ANKRD36: variants seen among roughly 807,000 people sequenced by gnomAD.
The protein encoded by ANKRD36 is ankyrin repeat domain-containing protein 36A.
In ANKRD36, 179 loss-of-function variants were observed where a neutral mutation model predicts 278.1. The observed-to-expected ratio is 0.64, with a 90% CI of 0.57 to 0.73. ANKRD36 has a LOEUF of 0.73. Among genes scored for constraint, ANKRD36 ranks in the 30% least tolerant of loss-of-function variants. The probability of loss-of-function intolerance (pLI) is 0.00; values close to 1 mark genes in which losing one functional copy is unlikely to be tolerated. For synonymous variants in ANKRD36, 320 were observed against 641.1 expected (o/e 0.50, Z 7.57); for missense variants, 1,159 against 1,956.7 (o/e 0.59, Z 7.69).
chr2:97,147,941 TTTTG>T (rs1172020421), intron 11 of ANKRD36, among the ~76,000 whole-genome samples: 1 of 151,956 alleles, frequency 6.6e-6, no homozygotes, highest in Non-Finnish European at 1.5e-5. Context: ...TTTGCTGCCT[TTTTG>T]TTTGTTTAAC....
chr2:97,229,233 G>C (rs1179216485), intron 67 of ANKRD36, among the ~76,000 whole-genome samples: 1 of 151,642 alleles, frequency 6.6e-6, no homozygotes, highest in Non-Finnish European at 1.5e-5. Flanking sequence ...TGTTGACAGT[G>C]GGATGTTAAA....
At chr2:97,227,658 C>G (rs1259413417) in intron 67 of ANKRD36, among the ~76,000 whole-genome samples, 1 of 152,114 alleles carries the variant, frequency 6.6e-6, no homozygotes, top group Non-Finnish European at 1.5e-5. Flanking sequence ...ACTTCCAACA[C>G]TATGTTGAAT....
chr2:97,183,111 C>T (rs534054850), intron 26 of ANKRD36, among the ~76,000 whole-genome samples: 1 of 151,914 alleles, frequency 6.6e-6, no homozygotes, highest in South Asian at 2.1e-4. Flanking sequence ...TTAGTACCTT[C>T]TTTGACATTG....
At chr2:97,185,365 A>G (rs1449845086) in intron 29 of ANKRD36, 21 bp downstream of exon 29, 4 of 1,609,678 alleles carry the variant, frequency 2.5e-6, no homozygotes, top group Non-Finnish European at 3.4e-6. Flanking sequence ...TCTCATTTAT[A>G]TTTTGTATTA....
intron 18 of ANKRD36, chr2:97,163,523 TATCTA>T (rs1246732564): frequency 3.5e-6 from 1 of 286,060 alleles, no homozygotes; most frequent in Non-Finnish European, 6.8e-6. Context: ...TCCAAGTAGA[TATCTA>T]AAGTAATGAT....
intron 66 of ANKRD36, among the ~76,000 whole-genome samples, chr2:97,220,777 T>TTTTTTTTTTTTTTTTTTTTTTTTAA (rs2067368758): frequency 1.1e-5 from 1 of 94,508 alleles, no homozygotes; most frequent in African/African-American, 8.6e-5. Context: ...TTTTTTTAAT[T>TTTTTTTTTTTTTTTTTTTTTTTTAA]TTTTTTTTTT....
intron 67 of ANKRD36, among the ~76,000 whole-genome samples, chr2:97,232,159 T>A (rs186046701): frequency 1.2e-3 from 181 of 152,156 alleles, no homozygotes; most frequent in African/African-American, 4.1e-3. Context: ...TTAATTATTT[T>A]AAAATTTTTC....
chr2:97,150,872 G>A (rs866127210), intron 12 of ANKRD36, among the ~76,000 whole-genome samples: 73 of 33,988 alleles, frequency 2.1e-3, no homozygotes, highest in African/African-American at 6.0e-3. Context: ...GAATTTTATT[G>A]TTTTTTTTTT....
intron 67 of ANKRD36, among the ~76,000 whole-genome samples, chr2:97,227,344 C>T (rs1486858443): frequency 6.6e-5 from 10 of 152,112 alleles, no homozygotes; most frequent in Non-Finnish European, 1.3e-4. Context: ...TCCTTCACAT[C>T]GCTTGTAAGT....
chr2:97,135,770 T>G lies in ANKRD36; in HGVS notation c.800-6870T>G, dbSNP rs1033389998. ...ACATCTTGGGCAGACTGGGATGTAATGGCTCAAATTTTGTCATACTACTCA... is the reference window on the plus strand; with the variant it reads ...ACATCTTGGGCAGACTGGGATGTAAGGGCTCAAATTTTGTCATACTACTCA... On this transcript the variant is annotated intron_variant, in intron 6 of 75. Coordinates refer to ENST00000420699, the MANE Select transcript of ANKRD36 (RefSeq NM_001354587.1). Among the ~76,000 whole-genome samples, 160 of 152,072 alleles carry G rather than the reference T, an allele frequency of 1.1e-3. 1 individual carries two copies. Among genetic ancestry groups the G allele is most frequent in the Non-Finnish European group, 1.3e-3 (87 of 68,000 alleles).
chr2:97,243,063 C>T (rs1481694873), intron 69 of ANKRD36, among the ~76,000 whole-genome samples: 1 of 132,500 alleles, frequency 7.5e-6, no homozygotes, highest in Non-Finnish European at 1.7e-5. Flanking sequence ...CTAATATCAA[C>T]AAAGAGAGTC....
chr2:97,187,479 AG>A, intron 32 of ANKRD36, 78 bp downstream of exon 32: 1 of 15,296 alleles, frequency 6.5e-5, no homozygotes, highest in East Asian at 2.9e-3. Context: ...AAATCAGCGG[AG>A]GGCGGGTGGG....
chr2:97,227,335 CCT>C (rs1204374083), intron 67 of ANKRD36, among the ~76,000 whole-genome samples: 1 of 152,116 alleles, frequency 6.6e-6, no homozygotes, highest in Non-Finnish European at 1.5e-5. Flanking sequence ...TTGAAGAGGT[CCT>C]TCACATCGCT....
At chr2:97,177,965 T>C (rs937430651) in intron 22 of ANKRD36, among the ~76,000 whole-genome samples, 6 of 147,784 alleles carry the variant, frequency 4.1e-5, no homozygotes, top group African/African-American at 7.5e-5. Context: ...TACAATGAAC[T>C]CAAACAAATT....
chr2:97,220,301 C>T (rs1313013743), intron 66 of ANKRD36, among the ~76,000 whole-genome samples: 3 of 149,128 alleles, frequency 2.0e-5, no homozygotes, highest in Non-Finnish European at 4.4e-5. Context: ...TGACTGTAGT[C>T]ATGTTTTTGT....
At chr2:97,115,909 TTTATC>T in intron 1 of ANKRD36, among the ~76,000 whole-genome samples, 1 of 150,876 alleles carries the variant, frequency 6.6e-6, no homozygotes, top group Middle Eastern at 3.4e-3. Context: ...ATTTTATAAA[TTTATC>T]AATAAATTTC....
chr2:97,175,780 C>T (rs1378526846), intron 22 of ANKRD36, among the ~76,000 whole-genome samples: 1 of 150,180 alleles, frequency 6.7e-6, no homozygotes, highest in Non-Finnish European at 1.5e-5. Context: ...AAATTTCCCT[C>T]TACACACTGC....
chr2:97,157,131 C>CCCTCTCTG (rs1553602324), intron 15 of ANKRD36, among the ~76,000 whole-genome samples: 1 of 143,518 alleles, frequency 7.0e-6, no homozygotes, highest in Non-Finnish European at 1.5e-5. Flanking sequence ...TTTTTTTTTC[C>CCCTCTCTG]TCTCTCTCTC....
At position 97,206,113 on chromosome 2, in the gene ANKRD36, G is replaced by C; in HGVS notation, c.3141G>C (p.Lys1047Asn). ...TTTTGAGTATAGCCAGAGAAAACAAGGATGGAGAAAAATCTAGGACAGGTA... is the reference window on the plus strand; with the variant it reads ...TTTTGAGTATAGCCAGAGAAAACAACGATGGAGAAAAATCTAGGACAGGTA... ...DSVLSIAREN[K>N]DGEKSRTVSS... The change falls in exon 52 of 76, where the codon AAG (lysine) becomes AAC (asparagine). Residue 1047 changes from lysine to asparagine, a missense_variant. Transcript: ENST00000420699. The C allele has an allele frequency of 1.3e-6, 2 of 1,544,422 alleles. 1 individual carries two copies. The highest frequency in any genetic ancestry group is 2.4e-5 in the South Asian group (2 of 83,770).
Sources: allele counts gnomAD v4.1 joint callset (sites outside exome capture counted in the v4.1 genomes callset), GRCh38; gene constraint gnomAD v4.1.1; transcripts MANE v1.5; gene names NCBI Gene and HGNC (gene_info 2026-07-23, HGNC 2026-07-21).